The following METTL15 variants were observed in gnomAD, a reference collection of about 807,000 sequenced individuals.
METTL15 encodes 12S rRNA N(4)-cytidine methyltransferase METTL15.
METTL15 carries 34 observed loss-of-function variants against 38.3 expected under a neutral mutation model. The ratio of observed to expected loss-of-function variants is 0.89; its 90% CI spans 0.68 to 1.18. The LOEUF (loss-of-function observed/expected upper bound fraction) is 1.18. Ranked by LOEUF, METTL15 falls within the 50% of genes most tolerant of loss-of-function variation. METTL15 has a pLI of 0.00. For missense variants in METTL15, 438 were observed against 498.4 expected, an observed-to-expected ratio of 0.88 and a Z score of 1.15; for synonymous variants, 162 against 170.9, an observed-to-expected ratio of 0.95 and a Z score of 0.41.
At chr11:28,424,822 C>A (rs1316894071) in intron 6 of METTL15, among the ~76,000 whole-genome samples, 3 of 152,168 alleles carry the variant, frequency 2.0e-5, no homozygotes, top group African/African-American at 7.2e-5. Flanking sequence ...ACATTCCAGA[C>A]TTCCTCTGTG....
chr11:28,343,145 G>GT (rs1326246629), intron 3 of METTL15, among the ~76,000 whole-genome samples: 2 of 150,150 alleles, frequency 1.3e-5, no homozygotes, highest in East Asian at 2.0e-4. Context: ...CCAGCCAGAT[G>GT]TTTTTTCATT....
chr11:28,441,562 T>C (rs1851035041), intron 6 of METTL15, among the ~76,000 whole-genome samples: 1 of 152,186 alleles, frequency 6.6e-6, no homozygotes, highest in African/African-American at 2.4e-5. Context: ...TCTTCACCAC[T>C]GTATTCTATT....
chr11:28,270,238 CAT>C (rs1855588911), intron 4 of METTL15, among the ~76,000 whole-genome samples: 1 of 151,938 alleles, frequency 6.6e-6, no homozygotes, highest in South Asian at 2.1e-4. Flanking sequence ...TGTATTTTGA[CAT>C]ATTTATTTTT....
At chr11:28,340,419 C>G (rs1259953049) in intron 3 of METTL15, among the ~76,000 whole-genome samples, 1 of 152,122 alleles carries the variant, frequency 6.6e-6, no homozygotes, top group East Asian at 1.9e-4. Flanking sequence ...GTTTTGCAAT[C>G]TATCCATCTG....
intron 3 of METTL15, among the ~76,000 whole-genome samples, chr11:28,193,354 G>C (rs1851770796): frequency 6.6e-6 from 1 of 152,250 alleles, no homozygotes; most frequent in Non-Finnish European, 1.5e-5. Context: ...ATAGCAGTAG[G>C]CTAAGGGCAA....
intron 4 of METTL15, among the ~76,000 whole-genome samples, chr11:28,257,959 T>C (rs772216014): frequency 6.6e-6 from 1 of 152,206 alleles, no homozygotes; most frequent in South Asian, 2.1e-4. Flanking sequence ...CTTCTGTGTT[T>C]GGTCATGGAA....
At chr11:28,249,063 T>C (rs1233329954) in intron 4 of METTL15, among the ~76,000 whole-genome samples, 2 of 152,026 alleles carry the variant, frequency 1.3e-5, no homozygotes, top group South Asian at 2.1e-4. Context: ...AGAAATCTTA[T>C]AATGCTTTAT....
At chr11:28,270,991 A>G (rs1028024969) in intron 4 of METTL15, among the ~76,000 whole-genome samples, 5 of 152,224 alleles carry the variant, frequency 3.3e-5, no homozygotes, top group African/African-American at 1.2e-4. Context: ...CATCAATACA[A>G]GGAAAGTGCT....
At chr11:28,348,140 C>T (rs1285005246) in intron 3 of METTL15, among the ~76,000 whole-genome samples, 2 of 152,072 alleles carry the variant, frequency 1.3e-5, no homozygotes, top group African/African-American at 4.8e-5. Context: ...ACTTCTTGTT[C>T]CCTTTGTAAT....
rs181436371 is a variant in METTL15 at position 28,443,805 on chromosome 11, C to T, written c.*424+19441C>T. On this transcript the variant is annotated intron_variant and NMD_transcript_variant, in intron 6 of 7. Transcript: ENST00000532947. ...AGATTCTTAGTGATGCCCATGCTAA[C>T]GTTTGAATCCAATCCACCTTCATCA... 2.0e-4 allele frequency among the ~76,000 whole-genome samples: 30 copies of T among 152,266 alleles called. No homozygotes were observed. In the East Asian group the frequency reaches 5.0e-3, roughly 26 times the overall value.
chr11:28,273,263 AG>A (rs1340453412), intron 4 of METTL15, among the ~76,000 whole-genome samples: 1 of 152,166 alleles, frequency 6.6e-6, no homozygotes, highest in Non-Finnish European at 1.5e-5. Context: ...ATTTGTATTT[AG>A]GATATTATTT....
intron 3 of METTL15, among the ~76,000 whole-genome samples, chr11:28,339,654 AT>A (rs1849932972): frequency 6.6e-6 from 1 of 152,100 alleles, no homozygotes; most frequent in Admixed American, 6.6e-5. Flanking sequence ...CAGAAGCCAT[AT>A]TTGGAGAGAA....
chr11:28,510,030 A>G (rs1371936268), intron 6 of METTL15, among the ~76,000 whole-genome samples: 1 of 152,144 alleles, frequency 6.6e-6, no homozygotes. Flanking sequence ...GGATGGCAAC[A>G]TGTTTCATTA....
intron 3 of METTL15, among the ~76,000 whole-genome samples, chr11:28,175,912 T>A (rs1332815916): frequency 6.7e-6 from 1 of 149,032 alleles, no homozygotes; most frequent in Non-Finnish European, 1.5e-5. Flanking sequence ...AATGTGCAAA[T>A]ATATATATAT....
chr11:28,402,491 C>T (rs1850638779), intron 5 of METTL15, among the ~76,000 whole-genome samples: 1 of 151,940 alleles, frequency 6.6e-6, no homozygotes, highest in South Asian at 2.1e-4. Context: ...CTACTTACTA[C>T]TTTTTCATTG....
intron 6 of METTL15, chr11:28,327,661 C>T (rs938080889): frequency 2.3e-4 from 36 of 153,442 alleles, no homozygotes; most frequent in African/African-American, 8.7e-4. Flanking sequence ...CATCCTTCTG[C>T]CACAGGAAGG....
intron 4 of METTL15, among the ~76,000 whole-genome samples, chr11:28,267,962 C>T (rs1855492264): frequency 6.6e-6 from 1 of 151,982 alleles, no homozygotes; most frequent in African/African-American, 2.4e-5. Flanking sequence ...CTTTGGGAGG[C>T]CGAGGCGGGT....
intron 3 of METTL15, among the ~76,000 whole-genome samples, chr11:28,134,138 C>T (rs1364028048): frequency 6.6e-6 from 1 of 152,092 alleles, no homozygotes; most frequent in Non-Finnish European, 1.5e-5. Context: ...TGCTGCTTAG[C>T]TCAGCAAGGT....
chr11:28,300,327 A>G (rs1161220482), intron 6 of METTL15, among the ~76,000 whole-genome samples: 2 of 152,126 alleles, frequency 1.3e-5, no homozygotes, highest in Non-Finnish European at 2.9e-5. Flanking sequence ...TAAAATCCAT[A>G]TTGATGGAAA....
Sources: gnomAD v4.1 joint callset for allele counts (sites outside exome capture counted in the v4.1 genomes callset) on GRCh38, gnomAD v4.1.1 for gene constraint, MANE v1.5 for transcripts, NCBI Gene and HGNC (gene_info 2026-07-23, HGNC 2026-07-21) for gene names.